The following NLRP8 variants were observed in gnomAD, a reference collection of about 807,000 sequenced individuals.
The protein encoded by NLRP8 is NLR family pyrin domain containing 8.
A neutral mutation model predicts 88.7 loss-of-function variants in NLRP8; 86 were observed. The ratio of observed to expected loss-of-function variants is 0.97; its 90% CI spans 0.81 to 1.16. NLRP8 has a LOEUF of 1.16. Ranked by LOEUF, NLRP8 falls within the 50% of genes most tolerant of loss-of-function variation. The pLI, the probability that NLRP8 is intolerant of heterozygous loss-of-function variation, is 0.00. For missense variants in NLRP8, 1,342 were observed against 1,286.5 expected, an observed-to-expected ratio of 1.04 and a Z score of -0.66; for synonymous variants, 504 against 494.6, an observed-to-expected ratio of 1.02 and a Z score of -0.25.
At chr19:55,973,295 T>C (rs1287083549) in intron 6 of NLRP8, among the ~76,000 whole-genome samples, 2 of 152,196 alleles carry the variant, frequency 1.3e-5, no homozygotes, top group African/African-American at 4.8e-5. Flanking sequence ...TGATGGGATT[T>C]TTTTTTCTTG....
Position 55,954,692 on chromosome 19 carries a change from C to T in NLRP8, c.634C>T (p.Pro212Ser), listed in dbSNP as rs1325416921. The T allele has an allele frequency of 1.2e-6, 2 of 1,614,018 alleles. No individual in the cohort carries two copies. The highest frequency in any genetic ancestry group is 1.7e-6 in the Non-Finnish European group (2 of 1,180,038). ...CAAGACCGTGGCCATACAGGGAGCT[C>T]CTGGGATCGGAAAAACAATCCTGGC... is the stretch of plus-strand genomic sequence containing the variant. The change falls in exon 3 of 10, where the codon CCT (proline) becomes TCT (serine). Residue 212 changes from proline (P) to serine (S), a missense_variant. Pro to Ser is a moderately conservative substitution (Grantham distance 74). Coordinates refer to ENST00000291971, the MANE Select transcript of NLRP8 (RefSeq NM_176811.2).
intron 4 of NLRP8, among the ~76,000 whole-genome samples, chr19:55,962,579 C>T (rs1471942041): frequency 6.6e-6 from 1 of 152,180 alleles, no homozygotes; most frequent in African/African-American, 2.4e-5. Flanking sequence ...CCCTGGTGCA[C>T]TTCAATGCGC....
intron 9 of NLRP8, 98 bp downstream of exon 9, chr19:55,979,662 T>C: frequency 1.5e-6 from 2 of 1,311,162 alleles, no homozygotes; most frequent in South Asian, 2.7e-5. Context: ...TGCATGCCTG[T>C]AATCCCAGCA....
At chr19:55,974,827 C>T (rs557223713) in intron 7 of NLRP8, among the ~76,000 whole-genome samples, 1 of 151,802 alleles carries the variant, frequency 6.6e-6, no homozygotes, top group African/African-American at 2.4e-5. Flanking sequence ...AGAGACTTTC[C>T]CCCCACCTCC....
chr19:55,977,007 G>T lies in NLRP8; in HGVS notation c.2876+704G>T, dbSNP rs1980370302. Among the ~76,000 whole-genome samples the T allele has an allele frequency of 2.1e-5, 3 of 145,862 alleles. No individual in the cohort carries two copies. In the South Asian group the frequency reaches 6.5e-4, roughly 32 times the overall value. ...AGGCAGGAGAATGGTGTGAACCTGG[G>T]AAGTGGAGCTTGCAGTGAGCCGAGA... On this transcript the variant is annotated intron_variant, in intron 8 of 9. Coordinates refer to ENST00000291971, the MANE Select transcript of NLRP8 (RefSeq NM_176811.2).
rs768119392 is a variant in NLRP8, at chr19:55,955,879, G to T, written c.1821G>T (p.Pro607=). 6 of 1,614,022 alleles carry T rather than the reference G, an allele frequency of 3.7e-6. No homozygotes were observed. Among genetic ancestry groups the T allele is most frequent in the Non-Finnish European group, 5.1e-6 (6 of 1,180,016 alleles). The change falls in exon 3 of 10, where the codon CCG becomes CCT. Residue 607 remains proline, a synonymous_variant. Coordinates refer to ENST00000291971, the MANE Select transcript of NLRP8 (RefSeq NM_176811.2). ...CACCTTCTCCGGGCAGTGGGGTCCC[G>T]CAGTTATTCTACTGTCTGCATGAAA...
At position 55,956,034 on chromosome 19, in the gene NLRP8, A is replaced by T. The variant is rs773509122; in HGVS notation, c.1976A>T (p.Glu659Val). ...CGGTGTCAATATTTGCATGAGGTGG[A>T]ACTGACCGTCACCCTGAACTTCATG... The change falls in exon 3 of 10, where the codon GAA becomes GTA. Residue 659 changes from glutamate to valine, a missense_variant. Physicochemically the swap from Glu to Val is moderately radical, Grantham distance 121. Coordinates refer to ENST00000291971, the MANE Select transcript of NLRP8 (RefSeq NM_176811.2). 1 of 1,614,140 alleles carries T rather than the reference A, an allele frequency of 6.2e-7. No homozygotes were observed. Among genetic ancestry groups the T allele is most frequent in the Non-Finnish European group, 8.5e-7 (1 of 1,180,018 alleles).
chr19:55,979,268 A>G (rs1442153559), intron 8 of NLRP8, 126 bp from the exon 9 acceptor site: 3 of 1,033,860 alleles, frequency 2.9e-6, no homozygotes, highest in South Asian at 3.0e-5. Flanking sequence ...TGAATAGACC[A>G]TAGTTGGAAC....
At chr19:55,979,003 T>A (rs1476618504) in intron 8 of NLRP8, among the ~76,000 whole-genome samples, 1 of 152,192 alleles carries the variant, frequency 6.6e-6, no homozygotes, top group Admixed American at 6.5e-5. Flanking sequence ...ATACATGTAT[T>A]TTGTTACCTG....
chr19:55,955,544 A>G lies in NLRP8; in HGVS notation c.1486A>G (p.Ile496Val). The stretch of plus-strand genomic sequence containing the variant: ...CCTTGGCATGAGTATTCTTCGGAGA[A>G]TTGCAGGTGAGGAAGACCACTATGT... Residue 496 changes from isoleucine to valine, a missense_variant, in exon 3 of 10, where the codon ATT (isoleucine) becomes GTT (valine). By Grantham distance (29) the Ile-to-Val change is conservative. Coordinates refer to ENST00000291971, the MANE Select transcript of NLRP8 (RefSeq NM_176811.2). 1 of 1,614,202 alleles carries G rather than the reference A, an allele frequency of 6.2e-7. No individual in the cohort carries two copies. Among genetic ancestry groups the G allele is most frequent in the Non-Finnish European group, 8.5e-7 (1 of 1,180,026 alleles).
At chr19:55,957,828 T>G (rs931783116) in intron 3 of NLRP8, among the ~76,000 whole-genome samples, 1 of 151,368 alleles carries the variant, frequency 6.6e-6, no homozygotes, top group East Asian at 1.9e-4. Flanking sequence ...ATGTAATTCC[T>G]CATCCCCTCC....
chr19:55,960,487 G>A (rs918533677), intron 3 of NLRP8, among the ~76,000 whole-genome samples: 8 of 152,070 alleles, frequency 5.3e-5, no homozygotes, highest in African/African-American at 9.7e-5. Context: ...TTGGTCACCC[G>A]ACTAAGACCT....
intron 5 of NLRP8, among the ~76,000 whole-genome samples, chr19:55,969,204 A>T (rs1297529437): frequency 6.6e-6 from 1 of 152,142 alleles, no homozygotes; most frequent in East Asian, 1.9e-4. Flanking sequence ...TGCACTTGTC[A>T]CCCAAGCAGT....
At chr19:55,963,747 G>T (rs530626095) in intron 4 of NLRP8, among the ~76,000 whole-genome samples, 3 of 152,026 alleles carry the variant, frequency 2.0e-5, no homozygotes, top group South Asian at 2.1e-4. Flanking sequence ...TAGAGACAAG[G>T]TCTCCCTAGG....
chr19:55,948,685 G>C (rs887858202), intron 1 of NLRP8, among the ~76,000 whole-genome samples: 3 of 152,184 alleles, frequency 2.0e-5, no homozygotes, highest in Non-Finnish European at 4.4e-5. Context: ...TAATCCGCCT[G>C]CCTTGGCCCC....
chr19:55,965,150 C>T (rs558092869), intron 4 of NLRP8, among the ~76,000 whole-genome samples: 1 of 151,984 alleles, frequency 6.6e-6, no homozygotes, highest in African/African-American at 2.4e-5. Context: ...GAAAGTAGAT[C>T]AGAAAGTTGA....
intron 9 of NLRP8, chr19:55,987,705 G>GGA: frequency 4.0e-6 from 3 of 744,762 alleles, no homozygotes; most frequent in Non-Finnish European, 7.1e-6. Context: ...AGGTGAGGTG[G>GGA]GAGGGGTACG....
chr19:55,968,457 T>C (rs1471319655), intron 5 of NLRP8, among the ~76,000 whole-genome samples: 5 of 128,020 alleles, frequency 3.9e-5, no homozygotes, highest in Middle Eastern at 6.2e-3. Flanking sequence ...AAAAATAAAA[T>C]AGGCCAGGCA....
chr19:55,955,017 T>G lies in NLRP8; in HGVS notation c.959T>G (p.Leu320Arg), dbSNP rs1409794468. ...GGGTCTGTCCTACTGAGCAGTTTGC[T>G]GAGCAAAACGATGCTTCCAGAGGCC... is the stretch of plus-strand genomic sequence containing the variant. Residue 320 changes from leucine to arginine, a missense_variant, in exon 3 of 10, where the codon CTG becomes CGG. Transcript: ENST00000291971. The G allele has an allele frequency of 6.2e-7, 1 of 1,614,208 alleles. No homozygotes were observed. The highest frequency in any genetic ancestry group is 8.5e-7 in the Non-Finnish European group (1 of 1,180,034).
Sources: allele counts gnomAD v4.1 joint callset (sites outside exome capture counted in the v4.1 genomes callset), GRCh38; gene constraint gnomAD v4.1.1; transcripts MANE v1.5; gene names NCBI Gene and HGNC (gene_info 2026-07-23, HGNC 2026-07-21).